The following GZMM variants were observed in gnomAD, a reference collection of about 807,000 sequenced individuals.
GZMM encodes the protein granzyme M.
In GZMM, 23 loss-of-function variants were observed where a neutral mutation model predicts 19.2. That is an observed-to-expected ratio of 1.20 (90% CI 0.86 to 1.69). The LOEUF (loss-of-function observed/expected upper bound fraction) is 1.69, where lower values mean the gene tolerates loss of function less well. Ranked by LOEUF, GZMM falls within the 40% of genes most tolerant of loss-of-function variation. GZMM has a pLI of 0.00. For synonymous variants in GZMM, 178 were observed against 160.2 expected, an observed-to-expected ratio of 1.11 and a Z score of -0.84; for missense variants, 373 against 352.2, an observed-to-expected ratio of 1.06 and a Z score of -0.47.
chr19:547,124 A>G (rs1477649437), intron 1 of GZMM, among the ~76,000 whole-genome samples, 156 bp from the exon 2 acceptor site: 1 of 151,982 alleles, frequency 6.6e-6, no homozygotes, highest in East Asian at 1.9e-4. Flanking sequence ...AGGGCAGCCC[A>G]CACGTATCAG....
Position 549,867 on chromosome 19 carries a change from GGAC to G in GZMM, c.*78_*80del. The G allele has an allele frequency of 5.3e-6, 5 of 937,116 alleles. No individual in the cohort carries two copies. Among genetic ancestry groups the G allele is most frequent in the East Asian group, 2.8e-5 (1 of 35,856 alleles). The allele number at this position is 937,116 out of a possible 1,614,324, so 58.1% of individuals were successfully genotyped here. On this transcript the variant is annotated 3_prime_UTR_variant, in exon 5 of 5. Coordinates refer to ENST00000264553, the MANE Select transcript of GZMM (RefSeq NM_005317.4). ...TCCAGGGGTGCAGTGGGGTGGGTGAGGACGGGTGGGAGGGACAGGGAGGGACCA... is the reference window on the plus strand; with the variant it reads ...TCCAGGGGTGCAGTGGGGTGGGTGAGGGGTGGGAGGGACAGGGAGGGACCA...
At chr19:544,204 C>T (rs375660121) in intron 1 of GZMM, 78 bp downstream of exon 1, 65 of 1,200,158 alleles carry the variant, frequency 5.4e-5, no homozygotes, top group Middle Eastern at 1.9e-4. Context: ...GGGGTGGGCG[C>T]GGGCGCCGAC....
chr19:549,665 C>G lies in GZMM; in HGVS notation c.648C>G (p.Gly216=), dbSNP rs763308928. The G allele has an allele frequency of 1.9e-6, 3 of 1,613,612 alleles. No individual in the cohort carries two copies. The South Asian group carries it at 3.3e-5, about 18-fold the overall frequency. The stretch of plus-strand genomic sequence containing the variant: ...GCGGGCCCCTGGTGTGTGGCAAAGG[C>G]CGGGTGTTGGCCAGAGTCCTGTCCT... ...DSGGPLVCGK[G]RVLARVLSFS... The change falls in exon 5 of 5, where the codon GGC becomes GGG. Residue 216 remains glycine, a synonymous_variant. Transcript: ENST00000264553.
Position 549,070 on chromosome 19 carries a change from T to G in GZMM, c.497T>G (p.Leu166Arg). Residue 166 changes from leucine to arginine, a missense_variant, in exon 4 of 5, where the codon CTG (leucine) becomes CGG (arginine). Physicochemically the swap from Leu to Arg is moderately radical, Grantham distance 102. Transcript: ENST00000264553. ...CGCCTGTCCCGGGTGCTGCGGGAGC[T>G]GGACCTCCAAGTGCTGGACACCCGC... The part of the protein sequence containing the change: ...GGRLSRVLRE[L>R]DLQVLDTRMC... 1 of 1,591,056 alleles carries G rather than the reference T, an allele frequency of 6.3e-7. No homozygotes were observed. Among genetic ancestry groups the G allele is most frequent in the Non-Finnish European group, 8.5e-7 (1 of 1,170,252 alleles).
At chr19:549,534 G>T in intron 4 of GZMM, 96 bp from the exon 5 acceptor site, 1 of 1,291,244 alleles carries the variant, frequency 7.7e-7, no homozygotes, top group South Asian at 1.4e-5. Context: ...TTGAGCCTGG[G>T]GATAACAGGC....
chr19:544,277 C>T (rs12981692), intron 1 of GZMM, 151 bp downstream of exon 1: 44 of 666,208 alleles, frequency 6.6e-5, no homozygotes, highest in Non-Finnish European at 1.0e-4. Flanking sequence ...TGGGGCATCC[C>T]GAGCTCCTCA....
At position 547,426 on chromosome 19, in the gene GZMM, C is replaced by G. The variant is rs764607104; in HGVS notation, c.202C>G (p.Leu68Val). The part of the protein sequence containing the change: ...PKWVLTAAHC[L>V]AQRMAQLRLV... ...GTGGGTGCTGACGGCTGCCCACTGC[C>G]TGGCCCAGCGGTGAGTACCCTGCCC... Residue 68 changes from leucine to valine, a missense_variant, in exon 2 of 5, where the codon CTG (leucine) becomes GTG (valine). Leu to Val is a conservative substitution (Grantham distance 32). Transcript: ENST00000264553. 6.8e-6 allele frequency: 10 copies of G among 1,473,624 alleles called. No homozygotes were observed. The highest frequency in any genetic ancestry group is 9.0e-6 in the Non-Finnish European group (10 of 1,111,034). The allele number at this position is 1,473,624 out of a possible 1,614,324, so 91.3% of individuals were successfully genotyped here. A position where few individuals can be genotyped will look rare whatever the true frequency, so the allele number is the denominator to read the frequency against.
chr19:549,433 G>T (rs913108607), intron 4 of GZMM, among the ~76,000 whole-genome samples, 197 bp from the exon 5 acceptor site: 1 of 152,230 alleles, frequency 6.6e-6, no homozygotes, highest in Non-Finnish European at 1.5e-5. Flanking sequence ...CAGCCAAGAC[G>T]GTCCGGCGGG....
At position 547,281 on chromosome 19, in the gene GZMM, C is replaced by T. The variant is rs1290538752; in HGVS notation, c.57C>T (p.Gly19=). The stretch of plus-strand genomic sequence containing the variant: ...GCTCTTTGTCCCCCATCCTGGCAGG[C>T]AGCTCCTTTGGGACCCAGATCATCG... ...LVLALGALSV[G]SSFGTQIIGG... The change falls in exon 2 of 5, where the codon GGC becomes GGT. Residue 19 remains glycine (G), a splice_region_variant and synonymous_variant. Coordinates refer to ENST00000264553, the MANE Select transcript of GZMM (RefSeq NM_005317.4). 1.3e-6 allele frequency: 2 copies of T among 1,509,760 alleles called. No individual in the cohort carries two copies. Among genetic ancestry groups the T allele is most frequent in the African/African-American group, 1.4e-5 (1 of 70,188 alleles). The allele number at this position is 1,509,760 out of a possible 1,614,324, so 93.5% of individuals were successfully genotyped here.
chr19:547,425 C>A lies in GZMM; in HGVS notation c.201C>A (p.Cys67Ter). 1 of 1,472,680 alleles carries A rather than the reference C, an allele frequency of 6.8e-7. No homozygotes were observed. The allele number at this position is 1,472,680 out of a possible 1,614,324, so 91.2% of individuals were successfully genotyped here. A position where few individuals can be genotyped will look rare whatever the true frequency, so the allele number is the denominator to read the frequency against. The change falls in exon 2 of 5, where the codon TGC becomes TGA. Residue 67 changes from cysteine to a stop codon, truncating the protein, a stop_gained. Transcript: ENST00000264553. LOFTEE classifies it high-confidence loss of function. ...HPKWVLTAAH[C>*]LAQRMAQLRL... ...AGTGGGTGCTGACGGCTGCCCACTG[C>A]CTGGCCCAGCGGTGAGTACCCTGCC...
chr19:549,694 G>T lies in GZMM; in HGVS notation c.677G>T (p.Ser226Ile). Residue 226 changes from serine to isoleucine, a missense_variant, in exon 5 of 5, where the codon AGC becomes ATC. Coordinates refer to ENST00000264553, the MANE Select transcript of GZMM (RefSeq NM_005317.4). ...GRVLARVLSFSSRVCTDIFKP... is the reference protein window; with the variant it reads ...GRVLARVLSFISRVCTDIFKP... ...GTGTTGGCCAGAGTCCTGTCCTTCA[G>T]CTCCAGGGTCTGCACTGACATCTTC... 2 of 1,613,816 alleles carry T rather than the reference G, an allele frequency of 1.2e-6. No homozygotes were observed. The highest frequency in any genetic ancestry group is 2.2e-5 in the East Asian group (1 of 44,884).
intron 1 of GZMM, among the ~76,000 whole-genome samples, chr19:544,764 C>T (rs372682737): frequency 6.2e-5 from 9 of 144,030 alleles, no homozygotes; most frequent in South Asian, 4.6e-4. Context: ...TCTACCCGTC[C>T]GTCCACCCAT....
Position 548,934 on chromosome 19 carries a change from G to T in GZMM, c.361G>T (p.Val121Leu), listed in dbSNP as rs1980400826. The change falls in exon 4 of 5, where the codon GTG becomes TTG. Residue 121 changes from valine (V) to leucine (L), a missense_variant. Physicochemically the swap from Val to Leu is conservative, Grantham distance 32. Transcript: ENST00000264553. ...CTGTCACTCGTAGCTGGACGGGAAA[G>T]TGAAGCCCAGCCGGACCATCCGGCC... The part of the protein sequence containing the change: ...DLALLQLDGK[V>L]KPSRTIRPLA... The T allele has an allele frequency of 6.4e-7, 1 of 1,570,956 alleles. No homozygotes were observed. Among genetic ancestry groups the T allele is most frequent in the African/African-American group, 1.4e-5 (1 of 73,366 alleles).
chr19:549,128 CCT>C lies in GZMM; in HGVS notation c.559_560del (p.Ser187ProfsTer19). ...CNNSRFWNGSLSPSMVCLAAD... is the reference protein window; with the variant it reads ...CNNSRFWNGSXSPSMVCLAAD... ...ACAACAGCCGCTTCTGGAACGGCAG[CCT>C]CTCCCCCAGCATGGTCTGCCTGGCG... On this transcript the variant is annotated frameshift_variant, in exon 4 of 5. Transcript: ENST00000264553. LOFTEE classifies it high-confidence loss of function. 3 of 1,580,152 alleles carry C rather than the reference CCT, an allele frequency of 1.9e-6. No individual in the cohort carries two copies. The highest frequency in any genetic ancestry group is 1.2e-5 in the South Asian group (1 of 86,294).
rs1456409603 is a variant in GZMM at position 549,016 on chromosome 19, C to T, written c.443C>T (p.Ala148Val). Residue 148 changes from alanine to valine, a missense_variant, in exon 4 of 5, where the codon GCC becomes GTC. By Grantham distance (64) the Ala-to-Val change is moderately conservative. Transcript: ENST00000264553. ...VVAAGTRCSM[A>V]GWGLTHQGGR... ...GCAGCAGGGACTCGGTGCAGCATGG[C>T]CGGCTGGGGGCTGACCCACCAGGGC... The T allele has an allele frequency of 6.2e-7, 1 of 1,602,714 alleles. No homozygotes were observed. The highest frequency in any genetic ancestry group is 1.7e-4 in the Middle Eastern group (1 of 5,844).
intron 1 of GZMM, 107 bp from the exon 2 acceptor site, chr19:547,173 T>C: frequency 9.5e-7 from 1 of 1,056,528 alleles, no homozygotes; most frequent in Non-Finnish European, 1.3e-6. Flanking sequence ...TTCATTAGGA[T>C]GGCACATCTG....
chr19:545,935 A>C (rs914968008), intron 1 of GZMM, among the ~76,000 whole-genome samples: 1 of 150,998 alleles, frequency 6.6e-6, no homozygotes, highest in Non-Finnish European at 1.5e-5. Context: ...GAGCCACCGC[A>C]CCCGGCCTTA....
At chr19:547,503 G>C (rs1306739695) in intron 2 of GZMM, 67 bp downstream of exon 2, 2 of 1,214,862 alleles carry the variant, frequency 1.6e-6, no homozygotes, top group Middle Eastern at 2.9e-4. Flanking sequence ...ATTCTCTGCA[G>C]GGGGTGGGCT....
Position 548,872 on chromosome 19 carries a change from G to A in GZMM, c.349-50G>A, listed in dbSNP as rs770178938. 4.4e-5 allele frequency: 20 copies of A among 455,966 alleles called. 1 individual carries two copies. Among genetic ancestry groups the A allele is most frequent in the East Asian group, 6.0e-5 (1 of 16,560 alleles). The allele number at this position is 455,966 out of a possible 1,614,324, so 28.2% of individuals were successfully genotyped here. ...CCCCCCGCTGCCGCCCCCCGCCCCC[G>A]CACTCTCACCCCCTCCCCCTGCTCA... On this transcript the variant is annotated intron_variant, in intron 3 of 4. Coordinates refer to ENST00000264553, the MANE Select transcript of GZMM (RefSeq NM_005317.4).
Sources: allele counts gnomAD v4.1 joint callset (sites outside exome capture counted in the v4.1 genomes callset), GRCh38; gene constraint gnomAD v4.1.1; transcripts MANE v1.5; gene names NCBI Gene and HGNC (gene_info 2026-07-23, HGNC 2026-07-21).